Variants in DNAI1 observed in about 807,000 individuals in gnomAD.
DNAI1 encodes the protein dynein axonemal intermediate chain 1.
A neutral mutation model predicts 92.0 loss-of-function variants in DNAI1; 67 were observed. That is an observed-to-expected ratio of 0.73 (90% confidence interval 0.60 to 0.89). DNAI1 has a LOEUF of 0.89. Among genes scored for constraint, DNAI1 ranks in the 40% least tolerant of loss-of-function variants. The pLI, the probability that DNAI1 is intolerant of heterozygous loss-of-function variation, is 0.00. For synonymous variants in DNAI1, 323 were observed against 319.6 expected (o/e 1.01, Z -0.11); for missense variants, 839 against 866.6 (o/e 0.97, Z 0.40).
rs371754078 is a variant in DNAI1 at position 34,458,980 on chromosome 9, G to A, written c.-26G>A. Reference sequence around the variant, plus strand: ...ACTTTTTGTCTTCAGACGAGGGAGCGTTTTGTAGGCTCTCCAGGGGTTGAG... The same window carrying A: ...ACTTTTTGTCTTCAGACGAGGGAGCATTTTGTAGGCTCTCCAGGGGTTGAG... On this transcript the variant is annotated 5_prime_UTR_variant, in exon 1 of 20. Coordinates refer to ENST00000242317, the MANE Select transcript of DNAI1 (RefSeq NM_012144.4). The surrounding 1 kb of genome is among the most constrained non-coding windows in gnomAD (Gnocchi z 6.6). 4 of 1,613,388 alleles carry A rather than the reference G, an allele frequency of 2.5e-6. No individual in the cohort carries two copies. Among genetic ancestry groups the A allele is most frequent in the South Asian group, 1.1e-5 (1 of 91,048 alleles).
At chr9:34,510,348 GGT>G (rs143671936) in intron 13 of DNAI1, among the ~76,000 whole-genome samples, 10 of 151,636 alleles carry the variant, frequency 6.6e-5, no homozygotes, top group African/African-American at 1.9e-4. Flanking sequence ...CACTCTGTGG[GGT>G]GTGTGTGTGT....
intron 19 of DNAI1, among the ~76,000 whole-genome samples, chr9:34,519,157 A>G (rs1266135583): frequency 6.6e-6 from 1 of 152,112 alleles, no homozygotes. Context: ...CAGCCAAGTG[A>G]TTCATGCAAA....
At chr9:34,486,196 A>G (rs1233629194) in intron 4 of DNAI1, among the ~76,000 whole-genome samples, 1 of 152,124 alleles carries the variant, frequency 6.6e-6, no homozygotes, top group East Asian at 1.9e-4. Context: ...TATGTTTCCT[A>G]TTTCGTTATT....
At chr9:34,478,084 A>G (rs1383595283) in intron 1 of DNAI1, among the ~76,000 whole-genome samples, 1 of 151,892 alleles carries the variant, frequency 6.6e-6, no homozygotes, top group Non-Finnish European at 1.5e-5. Context: ...ATAGGGTTTC[A>G]CGATGTTGCC....
In DNAI1 at chr9:34,513,204, T is replaced by C. The variant is rs913584733; in HGVS notation, c.1569+13T>C. On this transcript the variant is annotated intron_variant, in intron 16 of 19. Transcript: ENST00000242317. ...AAAAATCTACAAGGTGAGGCTGCCC[T>C]GTGCCAGCTCCTTAGAAGGCCGCTT... 19 of 1,610,884 alleles carry C rather than the reference T, an allele frequency of 1.2e-5. No individual in the cohort carries two copies. The highest frequency in any genetic ancestry group is 1.6e-5 in the Non-Finnish European group (19 of 1,176,986).
At chr9:34,516,283 T>C (rs916510178) in intron 18 of DNAI1, among the ~76,000 whole-genome samples, 6 of 152,094 alleles carry the variant, frequency 3.9e-5, no homozygotes, top group Non-Finnish European at 8.8e-5. Flanking sequence ...GAGTGTGGGA[T>C]CTGGATTTTA....
In DNAI1 at chr9:34,489,378, A is replaced by C; in HGVS notation, c.317A>C (p.Gln106Pro). The C allele has an allele frequency of 6.2e-7, 1 of 1,614,102 alleles. No individual in the cohort carries two copies. The highest frequency in any genetic ancestry group is 8.5e-7 in the Non-Finnish European group (1 of 1,179,976). ...FVNQLAVHYT[Q>P]VGNLIPKDSD... ...AACCAACTGGCAGTTCACTACACCC[A>C]GGTTGGGAACCTGATCCCCAAAGAC... Residue 106 changes from glutamine to proline, a missense_variant, in exon 5 of 20, where the codon CAG (glutamine) becomes CCG (proline). By Grantham distance (76) the Gln-to-Pro change is moderately conservative (BLOSUM62 -1). Transcript: ENST00000242317.
intron 1 of DNAI1, among the ~76,000 whole-genome samples, chr9:34,469,919 G>T (rs1824107913): frequency 6.6e-6 from 1 of 151,952 alleles, no homozygotes; most frequent in Non-Finnish European, 1.5e-5. Context: ...ACTGTTTAAA[G>T]CAAAAAACAA....
chr9:34,509,524 C>T (rs1334342980), intron 13 of DNAI1, among the ~76,000 whole-genome samples: 3 of 152,004 alleles, frequency 2.0e-5, no homozygotes, highest in African/African-American at 7.3e-5. Context: ...CTTAAGGGTC[C>T]CCTGTTTTCA....
At chr9:34,505,305 C>T (rs750108614) in intron 12 of DNAI1, among the ~76,000 whole-genome samples, 20 of 152,152 alleles carry the variant, frequency 1.3e-4, no homozygotes, top group Non-Finnish European at 1.5e-4. Context: ...GGTCCCCTTC[C>T]AGCAAGCAAT....
intron 19 of DNAI1, 95 bp downstream of exon 19, chr9:34,517,562 C>G: frequency 7.0e-7 from 1 of 1,429,656 alleles, no homozygotes; most frequent in South Asian, 1.2e-5. Flanking sequence ...CACCCAGTTT[C>G]TGATGTGGGA....
intron 1 of DNAI1, among the ~76,000 whole-genome samples, chr9:34,471,211 G>A (rs940423857): frequency 1.3e-5 from 2 of 151,744 alleles, no homozygotes; most frequent in Non-Finnish European, 2.9e-5. Context: ...TGGATCACTT[G>A]AGCCCAAGAG....
At chr9:34,477,922 CTCTTTTTT>C (rs1270070840) in intron 1 of DNAI1, among the ~76,000 whole-genome samples, 2 of 86,958 alleles carry the variant, frequency 2.3e-5, no homozygotes, top group Non-Finnish European at 4.5e-5. Flanking sequence ...CTCTCTCTCT[CTCTTTTTT>C]TTTTTTTTTT....
At chr9:34,476,703 A>G (rs1824244757) in intron 1 of DNAI1, among the ~76,000 whole-genome samples, 1 of 152,234 alleles carries the variant, frequency 6.6e-6, no homozygotes, top group Admixed American at 6.5e-5. Context: ...GATGCTCGGC[A>G]TAGAGCAGTG....
At chr9:34,494,363 C>G (rs1337176520) in intron 9 of DNAI1, among the ~76,000 whole-genome samples, 3 of 152,152 alleles carry the variant, frequency 2.0e-5, no homozygotes, top group Non-Finnish European at 4.4e-5. Flanking sequence ...TTTATTCAGT[C>G]ACTGACCAAG....
intron 8 of DNAI1, among the ~76,000 whole-genome samples, chr9:34,492,497 T>TATATATATAC (rs1564033886): frequency 1.3e-4 from 3 of 23,176 alleles, no homozygotes; most frequent in Non-Finnish European, 2.2e-4. Context: ...TATGAAGATA[T>TATATATATAC]ATATATATAT....
Position 34,492,493 on chromosome 9 carries a change from GATATATATATATATATATATATAT to G in DNAI1, c.682-682_682-659del, listed in dbSNP as rs752863173. On this transcript the variant is annotated intron_variant, in intron 8 of 19. Coordinates refer to ENST00000242317, the MANE Select transcript of DNAI1 (RefSeq NM_012144.4). ...TCCGGGGTGGGGGTGGGGATATGAA[GATATATATATATATATATATATAT>G]ATATATATATATATATATTTGAGAC... Among the ~76,000 whole-genome samples, 94 of 68,256 alleles carry G rather than the reference GATATATATATATATATATATATAT, an allele frequency of 1.4e-3. 5 individuals carry two copies. In the South Asian group the frequency reaches 0.014, roughly 10 times the overall value. 44.8% of individuals were successfully genotyped at this position (68,256 alleles called of 152,430 possible).
intron 19 of DNAI1, among the ~76,000 whole-genome samples, chr9:34,517,709 A>G (rs1035320601): frequency 6.6e-6 from 1 of 152,212 alleles, no homozygotes; most frequent in Non-Finnish European, 1.5e-5. Context: ...GAGACATCCA[A>G]TGAGCAGGTG....
At chr9:34,511,254 G>A (rs777732248) in intron 13 of DNAI1, among the ~76,000 whole-genome samples, 2 of 152,204 alleles carry the variant, frequency 1.3e-5, no homozygotes, top group Non-Finnish European at 2.9e-5. Context: ...AGTCTCAAGC[G>A]TGTCATCTTC....
Sources: allele counts gnomAD v4.1 joint callset (sites outside exome capture counted in the v4.1 genomes callset), GRCh38; gene constraint gnomAD v4.1.1; non-coding constraint Gnocchi (gnomAD v3.1); transcripts MANE v1.5; gene names NCBI Gene and HGNC (gene_info 2026-07-23, HGNC 2026-07-21).